Variants in EIF3E observed in about 807,000 individuals in gnomAD.
EIF3E encodes eIF-3 p48.
A neutral mutation model predicts 59.3 loss-of-function variants in EIF3E; 25 were observed. The observed-to-expected ratio is 0.42, with a 90% confidence interval of 0.31 to 0.59. EIF3E has a LOEUF of 0.59. Ranked by LOEUF, EIF3E falls within the 20% of genes least tolerant of loss-of-function variation. EIF3E has a pLI of 0.15. For synonymous variants in EIF3E, 176 were observed against 170.2 expected, an observed-to-expected ratio of 1.03 and a Z score of -0.26; for missense variants, 317 against 534.3, an observed-to-expected ratio of 0.59 and a Z score of 4.01.
At chr8:108,247,294 C>CAGGCTGGTAAAGGCT (rs1815965840) in intron 1 of EIF3E, among the ~76,000 whole-genome samples, 1 of 152,136 alleles carries the variant, frequency 6.6e-6, no homozygotes, top group Non-Finnish European at 1.5e-5. Flanking sequence ...TTCAGAAGTA[C>CAGGCTGGTAAAGGCT]TTCTACAAGC....
intron 10 of EIF3E, among the ~76,000 whole-genome samples, chr8:108,208,441 T>C (rs6990376): frequency 0.012 from 1,875 of 152,232 alleles, 38 homozygotes; most frequent in African/African-American, 0.042. Context: ...AACTGTATGA[T>C]TGGGAGGAAA....
chr8:108,210,163 C>T (rs1815180122), intron 10 of EIF3E, among the ~76,000 whole-genome samples: 1 of 151,788 alleles, frequency 6.6e-6, no homozygotes, highest in South Asian at 2.1e-4. Flanking sequence ...TAGGCTCAGT[C>T]ATATAGTATT....
rs577424893 is a variant in EIF3E at position 108,204,341 on chromosome 8, T to C, written c.1062-838A>G. Among the ~76,000 whole-genome samples the C allele has an allele frequency of 1.2e-4, 18 of 152,158 alleles. No individual in the cohort carries two copies. In the South Asian group the frequency reaches 3.5e-3, roughly 30 times the overall value. On this transcript the variant is annotated intron_variant, in intron 10 of 12. Transcript: ENST00000220849. ...ATGAGTGGATAAAGTAAATCTGGTA[T>C]ATATAAACCATGGAATACTACTCAG...
At chr8:108,202,898 C>T in intron 12 of EIF3E, 85 bp downstream of exon 12, 8 of 1,405,668 alleles carry the variant, frequency 5.7e-6, no homozygotes, top group Non-Finnish European at 7.5e-6. Flanking sequence ...AAATCAGCTA[C>T]AACTCATCAA....
At chr8:108,236,298 C>A in intron 3 of EIF3E, 95 bp from the exon 4 acceptor site, 1 of 844,604 alleles carries the variant, frequency 1.2e-6, no homozygotes, top group Non-Finnish European at 1.9e-6. Flanking sequence ...CGCAAAGTCA[C>A]CTTAAATAAA....
chr8:108,243,330 A>T (rs915317898), intron 1 of EIF3E: 2 of 152,232 alleles, frequency 1.3e-5, no homozygotes, highest in African/African-American at 4.8e-5. Flanking sequence ...AGGGGTCAAG[A>T]TGAAGGTTTA....
At chr8:108,222,140 T>TCAAACCATCCTCCTGCCCC (rs770811705) in intron 7 of EIF3E, among the ~76,000 whole-genome samples, 84 of 148,720 alleles carry the variant, frequency 5.6e-4, no homozygotes, top group Non-Finnish European at 9.2e-4. Flanking sequence ...ACTCCTGGAC[T>TCAAACCATCCTCCTGCCCC]CAAACCATCC....
chr8:108,216,957 C>T (rs1326088526), intron 8 of EIF3E, among the ~76,000 whole-genome samples: 1 of 152,110 alleles, frequency 6.6e-6, no homozygotes, highest in Non-Finnish European at 1.5e-5. Context: ...AAACCTTTTG[C>T]CCAACTTGGG....
At chr8:108,223,532 T>G (rs1176262513) in intron 7 of EIF3E, among the ~76,000 whole-genome samples, 2 of 152,212 alleles carry the variant, frequency 1.3e-5, no homozygotes, top group African/African-American at 4.8e-5. Flanking sequence ...TGAAATTTCT[T>G]AGAAAATTCA....
At chr8:108,235,433 A>C (rs1024654041) in intron 4 of EIF3E, among the ~76,000 whole-genome samples, 2 of 152,234 alleles carry the variant, frequency 1.3e-5, no homozygotes, top group African/African-American at 4.8e-5. Flanking sequence ...GATCCCTTGC[A>C]TGAGCAGTTC....
intron 9 of EIF3E, 30 bp from the exon 10 acceptor site, chr8:108,214,746 G>C: frequency 1.9e-6 from 3 of 1,561,276 alleles, no homozygotes; most frequent in Non-Finnish European, 2.6e-6. Context: ...AAAAATTAAT[G>C]ATGCTGACAA....
At chr8:108,222,231 G>C (rs530463207) in intron 7 of EIF3E, among the ~76,000 whole-genome samples, 5 of 152,248 alleles carry the variant, frequency 3.3e-5, no homozygotes, top group African/African-American at 1.2e-4. Context: ...ATGTTTTAGA[G>C]ATAGGTCTCA....
chr8:108,216,353 G>GTTA, intron 9 of EIF3E, 59 bp downstream of exon 9: 1 of 1,285,024 alleles, frequency 7.8e-7, no homozygotes, highest in Non-Finnish European at 1.1e-6. Context: ...CAAGATTAAC[G>GTTA]TTACAATATC....
At chr8:108,218,109 C>A (rs780184185) in intron 7 of EIF3E, among the ~76,000 whole-genome samples, 1 of 152,178 alleles carries the variant, frequency 6.6e-6, no homozygotes, top group Non-Finnish European at 1.5e-5. Flanking sequence ...CCTCAAATAG[C>A]TCCCTATTTA....
intron 9 of EIF3E, among the ~76,000 whole-genome samples, chr8:108,215,574 T>C (rs1453561558): frequency 6.6e-6 from 1 of 151,954 alleles, no homozygotes; most frequent in Non-Finnish European, 1.5e-5. Flanking sequence ...GCCGGGATCA[T>C]GCCACTGCAC....
chr8:108,238,240 T>A (rs1162928926), intron 3 of EIF3E, among the ~76,000 whole-genome samples: 3 of 152,250 alleles, frequency 2.0e-5, no homozygotes, highest in African/African-American at 7.2e-5. Flanking sequence ...GCTCTGTCTA[T>A]GCGCATGATG....
At chr8:108,210,290 G>A (rs751629236) in intron 10 of EIF3E, among the ~76,000 whole-genome samples, 12 of 152,246 alleles carry the variant, frequency 7.9e-5, no homozygotes, top group Non-Finnish European at 1.5e-4. Context: ...CACCTGAGAA[G>A]CTTTAATCCC....
chr8:108,242,977 C>T (rs629996), intron 1 of EIF3E: 66,965 of 152,690 alleles, frequency 0.44, 16,897 homozygotes, highest in Middle Eastern at 0.57. Context: ...TTTGATCCAG[C>T]AATTGTTTCG....
chr8:108,239,189 T>C (rs1337370291), intron 3 of EIF3E, among the ~76,000 whole-genome samples: 2 of 152,148 alleles, frequency 1.3e-5, no homozygotes, highest in African/African-American at 2.4e-5. Flanking sequence ...TTCTTTTTTA[T>C]TTTTTCCTGA....
Sources: gnomAD v4.1 joint callset for allele counts (sites outside exome capture counted in the v4.1 genomes callset) on GRCh38, gnomAD v4.1.1 for gene constraint, MANE v1.5 for transcripts, NCBI Gene and HGNC (gene_info 2026-07-23, HGNC 2026-07-21) for gene names.